CTNNA3: variants seen among roughly 807,000 people sequenced by gnomAD.
CTNNA3 encodes the protein catenin alpha-3.
A neutral mutation model predicts 95.7 loss-of-function variants in CTNNA3; 76 were observed. The observed-to-expected ratio is 0.79, with a 90% CI of 0.66 to 0.96. The LOEUF (loss-of-function observed/expected upper bound fraction) is 0.96. Among genes scored for constraint, CTNNA3 ranks in the 40% least tolerant of loss-of-function variants. The pLI is 0.00. For synonymous variants in CTNNA3, 431 were observed against 374.4 expected (o/e 1.15, Z -1.74); for missense variants, 1,191 against 1,089.8 (o/e 1.09, Z -1.31).
In CTNNA3 at chr10:66,222,081, CAT is replaced by C. The variant is rs541018704; in HGVS notation, c.1884+58387_1884+58388del. 1.2e-4 allele frequency among the ~76,000 whole-genome samples: 18 copies of C among 152,234 alleles called. No individual in the cohort carries two copies. In the East Asian group the frequency reaches 3.1e-3, roughly 26 times the overall value. On this transcript the variant is annotated intron_variant, in intron 13 of 17. Transcript: ENST00000433211. The stretch of plus-strand genomic sequence containing the variant: ...ATTGGTTCACTTTGATGACATAAAA[CAT>C]ATTGATTATGGGTATTCTCCTCAGA...
intron 2 of CTNNA3, among the ~76,000 whole-genome samples, chr10:67,619,397 G>A (rs1164833290): frequency 6.6e-6 from 1 of 152,160 alleles, no homozygotes; most frequent in East Asian, 1.9e-4. Context: ...ATGGTGCTAG[G>A]AAAACTGGAT....
chr10:66,201,809 A>G (rs1414210920), intron 13 of CTNNA3, among the ~76,000 whole-genome samples: 1 of 62,310 alleles, frequency 1.6e-5, no homozygotes, highest in Non-Finnish European at 3.0e-5. Flanking sequence ...TTTTTTTGAG[A>G]TAGAGTTTCA....
intron 5 of CTNNA3, among the ~76,000 whole-genome samples, chr10:67,246,077 A>C (rs1865894254): frequency 6.6e-6 from 1 of 152,180 alleles, no homozygotes; most frequent in East Asian, 1.9e-4. Context: ...CCCAAAACAC[A>C]ATGGCTGCTG....
At chr10:66,011,279 T>C (rs1312987799) in intron 15 of CTNNA3, among the ~76,000 whole-genome samples, 1 of 152,138 alleles carries the variant, frequency 6.6e-6, no homozygotes, top group Non-Finnish European at 1.5e-5. Context: ...TCATCTTGTA[T>C]ATTTTATCTT....
At chr10:67,323,426 T>C (rs934937178) in intron 5 of CTNNA3, among the ~76,000 whole-genome samples, 3 of 152,112 alleles carry the variant, frequency 2.0e-5, no homozygotes, top group African/African-American at 4.8e-5. Flanking sequence ...GTTTCAATCT[T>C]AGCATATGGC....
chr10:67,504,706 A>G (rs2133113324), intron 5 of CTNNA3, among the ~76,000 whole-genome samples: 1 of 152,204 alleles, frequency 6.6e-6, no homozygotes, highest in Non-Finnish European at 1.5e-5. Context: ...TCATTTTTTT[A>G]TGGATCCAAT....
chr10:67,741,335 TAAAAAAAGAACAAAAAA>T (rs1280783980), intron 1 of CTNNA3, among the ~76,000 whole-genome samples: 2 of 109,032 alleles, frequency 1.8e-5, no homozygotes, highest in Non-Finnish European at 4.0e-5. Flanking sequence ...AAATAAAAAA[TAAAAAAAGAACAAAAAA>T]AAAAAAAGAA....
chr10:67,560,970 G>A (rs1415062490), intron 3 of CTNNA3, among the ~76,000 whole-genome samples: 1 of 151,822 alleles, frequency 6.6e-6, no homozygotes, highest in African/African-American at 2.4e-5. Context: ...AAATACAGGA[G>A]GCCACAGATT....
intron 1 of CTNNA3, among the ~76,000 whole-genome samples, chr10:67,678,185 G>A (rs1006389110): frequency 4.6e-5 from 7 of 152,030 alleles, no homozygotes; most frequent in Non-Finnish European, 8.8e-5. Context: ...AAAGATGTAA[G>A]GGAAAATTAT....
intron 5 of CTNNA3, among the ~76,000 whole-genome samples, chr10:67,259,544 T>C (rs1866506229): frequency 6.6e-6 from 1 of 152,212 alleles, no homozygotes; most frequent in South Asian, 2.1e-4. Flanking sequence ...GAGTGAATAA[T>C]ACTTATCACA....
chr10:67,066,151 C>T (rs986131177), intron 7 of CTNNA3, among the ~76,000 whole-genome samples: 1 of 149,950 alleles, frequency 6.7e-6, no homozygotes, highest in African/African-American at 2.5e-5. Flanking sequence ...ATCACCAGTG[C>T]TCGTTTCCCT....
At chr10:67,531,552 G>C (rs1564719583) in intron 4 of CTNNA3, among the ~76,000 whole-genome samples, 2 of 152,180 alleles carry the variant, frequency 1.3e-5, no homozygotes, top group Non-Finnish European at 2.9e-5. Flanking sequence ...TACCCTCATT[G>C]TATCTAGAAA....
At chr10:67,550,218 T>C (rs1483198762) in intron 3 of CTNNA3, among the ~76,000 whole-genome samples, 3 of 152,354 alleles carry the variant, frequency 2.0e-5, no homozygotes, top group Non-Finnish European at 2.9e-5. Context: ...TCAGTATTCA[T>C]ATATCTAATA....
chr10:67,516,428 T>C (rs1839815219), intron 5 of CTNNA3, among the ~76,000 whole-genome samples: 1 of 152,182 alleles, frequency 6.6e-6, no homozygotes, highest in Non-Finnish European at 1.5e-5. Context: ...ACTATTTAGT[T>C]TCATTTTCTA....
intron 7 of CTNNA3, among the ~76,000 whole-genome samples, chr10:66,859,238 A>C (rs28690543): frequency 0.17 from 25,980 of 152,006 alleles, 2,489 homozygotes; most frequent in African/African-American, 0.24. Flanking sequence ...AACCTACAAA[A>C]TAGGAGAAAA....
At chr10:67,450,638 A>G (rs1564658466) in intron 5 of CTNNA3, among the ~76,000 whole-genome samples, 1 of 152,070 alleles carries the variant, frequency 6.6e-6, no homozygotes, top group Non-Finnish European at 1.5e-5. Flanking sequence ...TTGAGGGTAG[A>G]GAGTAGGAGG....
intron 9 of CTNNA3, among the ~76,000 whole-genome samples, chr10:66,647,233 T>A (rs1206822262): frequency 6.6e-6 from 1 of 152,114 alleles, no homozygotes; most frequent in Non-Finnish European, 1.5e-5. Context: ...AAAGTATATA[T>A]CATCTGTTCA....
chr10:66,291,944 T>G (rs2091688993), intron 12 of CTNNA3, among the ~76,000 whole-genome samples: 1 of 151,098 alleles, frequency 6.6e-6, no homozygotes, highest in Admixed American at 6.7e-5. Flanking sequence ...TTATAATATA[T>G]CTCATATTGT....
intron 5 of CTNNA3, among the ~76,000 whole-genome samples, chr10:67,410,363 G>T (rs1317804626): frequency 1.3e-5 from 2 of 152,100 alleles, no homozygotes; most frequent in Non-Finnish European, 2.9e-5. Flanking sequence ...AGGGCAAGGG[G>T]TGAGAGGAGG....
Sources: gnomAD v4.1 joint callset for allele counts (sites outside exome capture counted in the v4.1 genomes callset) on GRCh38, gnomAD v4.1.1 for gene constraint, MANE v1.5 for transcripts, NCBI Gene and HGNC (gene_info 2026-07-23, HGNC 2026-07-21) for gene names.